The following TTC28 variants were observed in gnomAD, a reference collection of about 807,000 sequenced individuals.
TTC28 encodes the protein tetratricopeptide repeat protein 28.
TTC28 carries 61 observed loss-of-function variants against 198.0 expected under a neutral mutation model. The ratio of observed to expected loss-of-function variants is 0.31; its 90% confidence interval spans 0.25 to 0.38. TTC28 has a LOEUF of 0.38. TTC28 is among the 10% of genes least tolerant of loss of function. The pLI is 1.00. For missense variants in TTC28, 2,678 were observed against 3,164.0 expected (o/e 0.85, Z 3.69); for synonymous variants, 1,171 against 1,297.8 (o/e 0.90, Z 2.10).
chr22:28,402,725 A>G (rs1457643732), intron 2 of TTC28, among the ~76,000 whole-genome samples: 3 of 152,146 alleles, frequency 2.0e-5, no homozygotes, highest in African/African-American at 7.2e-5. Flanking sequence ...CCGCTCTCAA[A>G]CAGTCATTCT....
In TTC28 at chr22:28,094,060, G is replaced by A; in HGVS notation, c.3932+20C>T. On this transcript the variant is annotated intron_variant, in intron 12 of 22. Transcript: ENST00000397906. ...CTGAGATTTATCTGAAAATGGACTTGGGGATGTTTTACTACCTACCTTGAG... is the reference window on the plus strand; with the variant it reads ...CTGAGATTTATCTGAAAATGGACTTAGGGATGTTTTACTACCTACCTTGAG... 1 of 1,506,122 alleles carries A rather than the reference G, an allele frequency of 6.6e-7. No individual in the cohort carries two copies. Among genetic ancestry groups the A allele is most frequent in the Non-Finnish European group, 8.9e-7 (1 of 1,127,302 alleles). The allele number at this position is 1,506,122 out of a possible 1,614,324, so 93.3% of individuals were successfully genotyped here.
At chr22:28,200,038 T>C (rs1375464584) in intron 5 of TTC28, among the ~76,000 whole-genome samples, 2 of 152,160 alleles carry the variant, frequency 1.3e-5, no homozygotes, top group Admixed American at 6.5e-5. Context: ...TTTCTATAAA[T>C]ATGTATTGTT....
At position 28,610,207 on chromosome 22, in the gene TTC28, G is replaced by A. The variant is rs529388242; in HGVS notation, c.381+19345C>T. Among the ~76,000 whole-genome samples, 16 of 152,310 alleles carry A rather than the reference G, an allele frequency of 1.1e-4. No individual in the cohort carries two copies. The East Asian group carries it at 3.1e-3, about 29-fold the overall frequency. ...CTGCCTGACAGCTCTCAAGAGAGCA[G>A]CAGATCTCCCAGCACAGCATTCAAG... is the stretch of plus-strand genomic sequence containing the variant. On this transcript the variant is annotated intron_variant, in intron 2 of 22. Transcript: ENST00000397906.
intron 2 of TTC28, among the ~76,000 whole-genome samples, chr22:28,591,975 G>C (rs2050442683): frequency 1.3e-5 from 2 of 152,054 alleles, no homozygotes; most frequent in Admixed American, 1.3e-4. Context: ...GGGAGGGTGG[G>C]CCTGAATGAA....
intron 5 of TTC28, among the ~76,000 whole-genome samples, chr22:28,244,702 C>T (rs1207550518): frequency 2.0e-5 from 3 of 152,172 alleles, no homozygotes; most frequent in Non-Finnish European, 2.9e-5. Flanking sequence ...GCTTTTGATC[C>T]ATTATTCAAT....
At chr22:28,057,689 T>G (rs552661620) in intron 12 of TTC28, among the ~76,000 whole-genome samples, 1 of 152,194 alleles carries the variant, frequency 6.6e-6, no homozygotes, top group South Asian at 2.1e-4. Flanking sequence ...TCAGAAATAT[T>G]CTCTTCCATG....
Position 28,012,848 on chromosome 22 carries a change from G to A in TTC28, c.4218+1400C>T, listed in dbSNP as rs751865478. 5.3e-5 allele frequency among the ~76,000 whole-genome samples: 8 copies of A among 152,240 alleles called. No homozygotes were observed. In the Middle Eastern group the frequency reaches 0.01, roughly 194 times the overall value. On this transcript the variant is annotated intron_variant, in intron 14 of 22. Coordinates refer to ENST00000397906, the MANE Select transcript of TTC28 (RefSeq NM_001145418.2). ...ACATTTGTCTAACCTGCTCTAACCT[G>A]TTGCATTGGGTGTTATCATCCTCAT... is the stretch of plus-strand genomic sequence containing the variant.
intron 5 of TTC28, among the ~76,000 whole-genome samples, chr22:28,238,616 G>A (rs1353788398): frequency 2.0e-5 from 3 of 152,084 alleles, no homozygotes; most frequent in Non-Finnish European, 4.4e-5. Flanking sequence ...GCCTTTACCA[G>A]GGCTGTTTAG....
intron 5 of TTC28, among the ~76,000 whole-genome samples, chr22:28,175,589 C>T (rs535359851): frequency 1.3e-5 from 2 of 151,962 alleles, no homozygotes; most frequent in East Asian, 1.9e-4. Context: ...AAAAATTATC[C>T]GGGCACGGTG....
intron 5 of TTC28, among the ~76,000 whole-genome samples, chr22:28,257,541 A>C (rs1389563479): frequency 6.6e-6 from 1 of 151,898 alleles, no homozygotes; most frequent in Non-Finnish European, 1.5e-5. Flanking sequence ...TGTGGGAGCT[A>C]TTAATAAAAA....
chr22:28,539,245 T>TG (rs751344265), intron 2 of TTC28, among the ~76,000 whole-genome samples: 9 of 151,996 alleles, frequency 5.9e-5, no homozygotes, highest in Non-Finnish European at 1.3e-4. Context: ...GCTGACAGGC[T>TG]GGGGGGTAGA....
At chr22:28,349,760 T>C (rs2045964496) in intron 2 of TTC28, among the ~76,000 whole-genome samples, 1 of 152,258 alleles carries the variant, frequency 6.6e-6, no homozygotes, top group Non-Finnish European at 1.5e-5. Flanking sequence ...GAAAGTATTA[T>C]AATTTTGTGA....
chr22:28,554,626 T>G (rs935443340), intron 2 of TTC28, among the ~76,000 whole-genome samples: 10 of 152,096 alleles, frequency 6.6e-5, no homozygotes, highest in Non-Finnish European at 1.0e-4. Flanking sequence ...ATCCCAGCAC[T>G]TTGGGAGGCT....
At chr22:28,526,481 G>A (rs1443696092) in intron 2 of TTC28, among the ~76,000 whole-genome samples, 3 of 152,158 alleles carry the variant, frequency 2.0e-5, no homozygotes, top group Non-Finnish European at 4.4e-5. Context: ...CTTGAAAGAA[G>A]AGAAATGCAG....
At chr22:28,622,891 G>A (rs538179976) in intron 2 of TTC28, among the ~76,000 whole-genome samples, 155 of 151,476 alleles carry the variant, frequency 1.0e-3, no homozygotes, top group Middle Eastern at 6.9e-3. Flanking sequence ...GCACAATCTC[G>A]GCTCACTGCA....
intron 2 of TTC28, among the ~76,000 whole-genome samples, chr22:28,580,611 T>C (rs2050221081): frequency 6.6e-6 from 1 of 152,198 alleles, no homozygotes. Context: ...AGAGAAATTA[T>C]AAAAATATTT....
At chr22:28,094,010 T>C in intron 12 of TTC28, 70 bp downstream of exon 12, 1 of 1,425,388 alleles carries the variant, frequency 7.0e-7, no homozygotes, top group African/African-American at 1.4e-5. Flanking sequence ...TTAGCTCAAA[T>C]AGGATGTTTA....
At chr22:28,569,175 T>TAAAC (rs1304246248) in intron 2 of TTC28, among the ~76,000 whole-genome samples, 4 of 148,878 alleles carry the variant, frequency 2.7e-5, no homozygotes, top group Non-Finnish European at 6.0e-5. Context: ...AATAAATAAA[T>TAAAC]AAATAAATAA....
At chr22:28,641,193 G>A (rs563282391) in intron 1 of TTC28, among the ~76,000 whole-genome samples, 8 of 152,052 alleles carry the variant, frequency 5.3e-5, no homozygotes, top group South Asian at 2.1e-4. Flanking sequence ...GCGTGGTGGC[G>A]CGTGCCTGTA....
Sources: gnomAD v4.1 joint callset for allele counts (sites outside exome capture counted in the v4.1 genomes callset) on GRCh38, gnomAD v4.1.1 for gene constraint, MANE v1.5 for transcripts, NCBI Gene and HGNC (gene_info 2026-07-23, HGNC 2026-07-21) for gene names.